The following KLHL22 variants were observed in gnomAD, a reference collection of about 807,000 sequenced individuals.
The protein encoded by KLHL22 is kelch like family member 22.
In KLHL22, 18 loss-of-function variants were observed where a neutral mutation model predicts 60.7. The observed-to-expected ratio is 0.30, with a 90% CI of 0.20 to 0.44. The LOEUF (loss-of-function observed/expected upper bound fraction) is 0.44. Ranked by LOEUF, KLHL22 falls within the 20% of genes least tolerant of loss-of-function variation. The pLI is 1.00. For synonymous variants in KLHL22, 355 were observed against 354.5 expected (o/e 1.00, Z -0.01); for missense variants, 596 against 852.3 (o/e 0.70, Z 3.74).
intron 3 of KLHL22, 131 bp downstream of exon 3, chr22:20,471,219 T>A: frequency 1.2e-6 from 1 of 823,656 alleles, no homozygotes; most frequent in Non-Finnish European, 1.9e-6. Context: ...TTCATGGCCT[T>A]CGTCACTGCT....
chr22:20,451,154 T>C, intron 5 of KLHL22: 1 of 1,579,588 alleles, frequency 6.3e-7, no homozygotes, highest in Non-Finnish European at 8.7e-7. Context: ...CTTAGTTCAG[T>C]GGAATGTCTA....
At chr22:20,486,083 G>T (rs1429071927) in intron 2 of KLHL22, among the ~76,000 whole-genome samples, 1 of 137,740 alleles carries the variant, frequency 7.3e-6, no homozygotes, top group African/African-American at 2.8e-5. Context: ...CAGGAGAATT[G>T]CTTGAACCCG....
At chr22:20,487,612 C>A (rs991740176) in intron 2 of KLHL22, among the ~76,000 whole-genome samples, 12 of 152,158 alleles carry the variant, frequency 7.9e-5, no homozygotes, top group Non-Finnish European at 1.8e-4. Context: ...CGCTCCCCTT[C>A]CCAATGGAAG....
At chr22:20,454,431 A>G (rs976235562) in intron 5 of KLHL22, among the ~76,000 whole-genome samples, 3 of 152,224 alleles carry the variant, frequency 2.0e-5, no homozygotes, top group East Asian at 1.9e-4. Context: ...TGAAGCCCCA[A>G]TTCACAGCAG....
intron 1 of KLHL22, chr22:20,491,670 A>G (rs1184136557): frequency 6.6e-6 from 1 of 152,230 alleles, no homozygotes; most frequent in Non-Finnish European, 1.5e-5. Context: ...TCATTGACGG[A>G]AACATCACTG....
intron 5 of KLHL22, among the ~76,000 whole-genome samples, chr22:20,448,107 C>A (rs1328660995): frequency 1.3e-5 from 2 of 152,200 alleles, no homozygotes; most frequent in East Asian, 3.8e-4. Context: ...AACCACCAAT[C>A]TCTTCTCTAT....
intron 5 of KLHL22, chr22:20,450,406 A>G: frequency 6.7e-7 from 1 of 1,483,326 alleles, no homozygotes; most frequent in Non-Finnish European, 9.4e-7. Flanking sequence ...CGGAAACAGT[A>G]CATGTGACAT....
chr22:20,474,173 G>C (rs945688128), intron 2 of KLHL22, among the ~76,000 whole-genome samples: 1 of 151,800 alleles, frequency 6.6e-6, no homozygotes, highest in Non-Finnish European at 1.5e-5. Context: ...CTAATTTTTT[G>C]TATTTTTAGT....
intron 5 of KLHL22, among the ~76,000 whole-genome samples, chr22:20,454,277 C>T (rs1290091056): frequency 2.0e-5 from 3 of 151,824 alleles, no homozygotes; most frequent in Non-Finnish European, 2.9e-5. Flanking sequence ...TGCAGTGAGC[C>T]GGGGTCATGC....
intron 5 of KLHL22, among the ~76,000 whole-genome samples, chr22:20,452,578 A>G (rs955742277): frequency 6.6e-6 from 1 of 152,256 alleles, no homozygotes; most frequent in African/African-American, 2.4e-5. Flanking sequence ...TGGAGACAGC[A>G]TAAAAGAGTG....
chr22:20,486,370 T>C (rs956269604), intron 2 of KLHL22, among the ~76,000 whole-genome samples: 1 of 152,012 alleles, frequency 6.6e-6, no homozygotes, highest in Non-Finnish European at 1.5e-5. Flanking sequence ...CACACCACAC[T>C]GCCCAGTTTG....
chr22:20,456,965 G>T (rs2146196705), intron 5 of KLHL22, among the ~76,000 whole-genome samples: 1 of 152,274 alleles, frequency 6.6e-6, no homozygotes. Flanking sequence ...TATCCCCAAA[G>T]GTGTACCTGG....
chr22:20,443,208 C>T (rs1569117793), intron 6 of KLHL22, among the ~76,000 whole-genome samples: 1 of 152,162 alleles, frequency 6.6e-6, no homozygotes, highest in East Asian at 1.9e-4. Flanking sequence ...AAAATCTTAC[C>T]TTCTTGACTG....
At chr22:20,451,585 G>A (rs564871523) in intron 5 of KLHL22, 86 of 1,596,312 alleles carry the variant, frequency 5.4e-5, no homozygotes, top group African/African-American at 5.2e-4. Flanking sequence ...CCTTTCTTCC[G>A]TTGAAGCATA....
At chr22:20,457,468 C>T (rs756510374) in intron 5 of KLHL22, among the ~76,000 whole-genome samples, 1 of 152,110 alleles carries the variant, frequency 6.6e-6, no homozygotes, top group African/African-American at 2.4e-5. Context: ...CTCAGCTGCA[C>T]AAAGAGCAAA....
At chr22:20,472,250 G>A (rs2053338557) in intron 2 of KLHL22, among the ~76,000 whole-genome samples, 1 of 151,344 alleles carries the variant, frequency 6.6e-6, no homozygotes, top group Non-Finnish European at 1.5e-5. Context: ...GTCTCAAAAA[G>A]CAAAACAAAA....
intron 2 of KLHL22, chr22:20,481,113 TG>T (rs2053493589): frequency 6.6e-6 from 1 of 151,730 alleles, no homozygotes; most frequent in African/African-American, 2.4e-5. Flanking sequence ...TTACACGCGT[TG>T]GCCACCGCGC....
At chr22:20,464,096 G>A (rs1452220291) in intron 4 of KLHL22, among the ~76,000 whole-genome samples, 1 of 152,184 alleles carries the variant, frequency 6.6e-6, no homozygotes, top group Non-Finnish European at 1.5e-5. Flanking sequence ...TGGTAGCTGA[G>A]TCTTGTGGGC....
At chr22:20,450,276 G>T (rs111574366) in intron 5 of KLHL22, 1 of 966,104 alleles carries the variant, frequency 1.0e-6, no homozygotes, top group African/African-American at 1.6e-5. Context: ...TGTGCTGGCT[G>T]CCTGTAGTGA....
Sources: gnomAD v4.1 joint callset for allele counts (sites outside exome capture counted in the v4.1 genomes callset) on GRCh38, gnomAD v4.1.1 for gene constraint, MANE v1.5 for transcripts, NCBI Gene and HGNC (gene_info 2026-07-23, HGNC 2026-07-21) for gene names.